Variants in ELF2 observed in about 807,000 individuals in gnomAD.
ELF2 encodes the protein E74 like ETS transcription factor 2, also known as ETS-related transcription factor Elf-2.
A neutral mutation model predicts 54.8 loss-of-function variants in ELF2; 11 were observed. The ratio of observed to expected loss-of-function variants is 0.20; its 90% CI spans 0.13 to 0.33. The LOEUF is 0.33. Among genes scored for constraint, ELF2 ranks in the 10% least tolerant of loss-of-function variants. The pLI, the probability that ELF2 is intolerant of heterozygous loss-of-function variation, is 1.00. For missense variants in ELF2, 513 were observed against 703.0 expected, an observed-to-expected ratio of 0.73 and a Z score of 3.06; for synonymous variants, 203 against 245.1, an observed-to-expected ratio of 0.83 and a Z score of 1.61.
At chr4:139,159,092 C>A (rs1740838300) in intron 1 of ELF2, among the ~76,000 whole-genome samples, 1 of 152,092 alleles carries the variant, frequency 6.6e-6, no homozygotes, top group Admixed American at 6.6e-5. Context: ...GTGGCCTTCT[C>A]AGACCCTGTG....
chr4:139,084,282 C>CA, intron 4 of ELF2: 1 of 1,602,290 alleles, frequency 6.2e-7, no homozygotes, highest in South Asian at 1.1e-5. Context: ...GCCGGAGACA[C>CA]ACGCCGTGCG....
At chr4:139,106,982 G>C (rs770593493) in intron 4 of ELF2, among the ~76,000 whole-genome samples, 42 of 152,096 alleles carry the variant, frequency 2.8e-4, no homozygotes, top group Admixed American at 3.9e-4. Flanking sequence ...CTGACCTCAG[G>C]TGTTTCACCT....
intron 2 of ELF2, 78 bp from the exon 3 acceptor site, chr4:139,137,945 T>A (rs1359915166): frequency 1.9e-6 from 2 of 1,053,234 alleles, no homozygotes; most frequent in Admixed American, 7.6e-5. Flanking sequence ...TATTGTGCAA[T>A]CTAATTTTAA....
At chr4:139,159,137 C>T (rs940732893) in intron 1 of ELF2, among the ~76,000 whole-genome samples, 1 of 152,152 alleles carries the variant, frequency 6.6e-6, no homozygotes, top group Non-Finnish European at 1.5e-5. Flanking sequence ...AAAGTGTCCA[C>T]CTAGACCAAG....
In ELF2 at chr4:139,156,608, A is replaced by G. The variant is rs762120245; in HGVS notation, c.-251-17111T>C. The stretch of plus-strand genomic sequence containing the variant: ...CATGTTCATTCATAGATATATATAT[A>G]TATATTTGTTGTTTTGTTGTTGTTG... On this transcript the variant is annotated intron_variant, in intron 1 of 9. Transcript: ENST00000686138. Among the ~76,000 whole-genome samples the G allele has an allele frequency of 4.0e-5, 6 of 150,040 alleles. No homozygotes were observed. The South Asian group carries it at 8.6e-4, about 22-fold the overall frequency.
intron 1 of ELF2, among the ~76,000 whole-genome samples, chr4:139,154,845 T>G (rs1053428059): frequency 4.1e-4 from 62 of 152,212 alleles, no homozygotes; most frequent in African/African-American, 1.4e-3. Context: ...TACTCCCCTC[T>G]CACAGGTATA....
intron 4 of ELF2, among the ~76,000 whole-genome samples, chr4:139,076,124 A>G (rs1730283370): frequency 6.6e-6 from 1 of 152,186 alleles, no homozygotes; most frequent in South Asian, 2.1e-4. Flanking sequence ...TTTGGAAAGC[A>G]TTTATTTTAA....
chr4:139,114,880 G>T (rs1237576431), intron 4 of ELF2: 2 of 1,606,902 alleles, frequency 1.2e-6, no homozygotes, highest in Admixed American at 1.7e-5. Context: ...ACGAGGTTGG[G>T]GGGCAGCGAT....
chr4:139,124,765 A>G (rs969796372), intron 4 of ELF2, among the ~76,000 whole-genome samples: 18 of 152,320 alleles, frequency 1.2e-4, no homozygotes, highest in Middle Eastern at 6.8e-3. Context: ...TGCTCCATCA[A>G]TATTAACTCA....
At chr4:139,173,757 CA>C (rs1195159962) in intron 1 of ELF2, among the ~76,000 whole-genome samples, 632 of 47,608 alleles carry the variant, frequency 0.013, 1 homozygote, top group East Asian at 0.023. Context: ...GACTCCGTCT[CA>C]AAAAAAAAAA....
At chr4:139,160,050 C>T (rs1740966805) in intron 1 of ELF2, among the ~76,000 whole-genome samples, 2 of 152,162 alleles carry the variant, frequency 1.3e-5, no homozygotes, top group African/African-American at 2.4e-5. Context: ...TATAGCATAG[C>T]CTGCAGGCCA....
intron 4 of ELF2, among the ~76,000 whole-genome samples, chr4:139,112,984 T>C (rs1735125407): frequency 6.6e-6 from 1 of 152,256 alleles, no homozygotes; most frequent in Non-Finnish European, 1.5e-5. Context: ...AAATATCTTT[T>C]AATGATCTAT....
chr4:139,098,178 T>C (rs1044563115), intron 4 of ELF2, among the ~76,000 whole-genome samples: 4 of 152,246 alleles, frequency 2.6e-5, no homozygotes, highest in African/African-American at 9.6e-5. Flanking sequence ...TTGAATTCTT[T>C]GATACTATTT....
At chr4:139,159,839 G>A (rs1740924845) in intron 1 of ELF2, among the ~76,000 whole-genome samples, 1 of 152,122 alleles carries the variant, frequency 6.6e-6, no homozygotes, top group Non-Finnish European at 1.5e-5. Flanking sequence ...GAGGACCCTT[G>A]TGTAGTGAGG....
chr4:139,119,569 C>T (rs929819053), intron 4 of ELF2, among the ~76,000 whole-genome samples: 1 of 152,178 alleles, frequency 6.6e-6, no homozygotes, highest in Non-Finnish European at 1.5e-5. Flanking sequence ...TCTGGTCACC[C>T]TTCCTTCCCC....
chr4:139,097,412 T>C (rs1733395609), intron 4 of ELF2, among the ~76,000 whole-genome samples: 1 of 152,138 alleles, frequency 6.6e-6, no homozygotes, highest in African/African-American at 2.4e-5. Flanking sequence ...GGTCAGGAGT[T>C]TAAGACCAGC....
intron 1 of ELF2, among the ~76,000 whole-genome samples, chr4:139,166,728 C>T (rs1259230658): frequency 2.0e-5 from 3 of 151,796 alleles, no homozygotes; most frequent in Non-Finnish European, 2.9e-5. Context: ...ATTAGCTGGG[C>T]GTGGTGGTGG....
At chr4:139,136,247 G>A (rs1026746311) in intron 3 of ELF2, among the ~76,000 whole-genome samples, 9 of 152,180 alleles carry the variant, frequency 5.9e-5, no homozygotes, top group African/African-American at 1.7e-4. Context: ...TTCTGCAGCT[G>A]TGGCTTCTCT....
chr4:139,071,098 G>A (rs1418053738), intron 6 of ELF2, among the ~76,000 whole-genome samples: 2 of 152,074 alleles, frequency 1.3e-5, no homozygotes, highest in Admixed American at 1.3e-4. Flanking sequence ...GATGGGGGGA[G>A]CAGAAATTTC....
Sources: allele counts gnomAD v4.1 joint callset (sites outside exome capture counted in the v4.1 genomes callset), GRCh38; gene constraint gnomAD v4.1.1; transcripts MANE v1.5; gene names NCBI Gene and HGNC (gene_info 2026-07-23, HGNC 2026-07-21).